The following LAMA2 variants were observed in gnomAD, a reference collection of about 807,000 sequenced individuals.
The protein encoded by LAMA2 is laminin subunit alpha-2.
In LAMA2, 269 loss-of-function variants were observed where a neutral mutation model predicts 364.8. The observed-to-expected ratio is 0.74, with a 90% CI of 0.67 to 0.82. The LOEUF (loss-of-function observed/expected upper bound fraction) is 0.82, where lower values mean the gene tolerates loss of function less well. Among genes scored for constraint, LAMA2 ranks in the 40% least tolerant of loss-of-function variants. LAMA2 has a pLI of 0.00. For missense variants in LAMA2, 3,807 were observed against 3,873.2 expected, an observed-to-expected ratio of 0.98 and a Z score of 0.45; for synonymous variants, 1,379 against 1,370.6, an observed-to-expected ratio of 1.01 and a Z score of -0.14.
At chr6:129,454,127 C>G in intron 46 of LAMA2, 28 bp from the exon 47 acceptor site, 1 of 1,604,622 alleles carries the variant, frequency 6.2e-7, no homozygotes, top group Non-Finnish European at 8.5e-7. Flanking sequence ...TATCTGATAT[C>G]TCTTGTTTTT....
chr6:129,445,239 AC>A (rs1275548543), intron 44 of LAMA2, among the ~76,000 whole-genome samples: 1 of 152,146 alleles, frequency 6.6e-6, no homozygotes, highest in Non-Finnish European at 1.5e-5. Flanking sequence ...AAGAAAGAAA[AC>A]CAATTTTGTG....
At chr6:129,227,808 T>C (rs1784411675) in intron 12 of LAMA2, among the ~76,000 whole-genome samples, 1 of 152,178 alleles carries the variant, frequency 6.6e-6, no homozygotes, top group Non-Finnish European at 1.5e-5. Flanking sequence ...CTGTTCATTC[T>C]CAGATCTCAA....
chr6:128,918,746 G>C (rs114146718), intron 1 of LAMA2, among the ~76,000 whole-genome samples: 2,255 of 152,154 alleles, frequency 0.015, 57 homozygotes, highest in African/African-American at 0.052. Context: ...AGTTTCCTTA[G>C]GGCAAACAAT....
intron 22 of LAMA2, among the ~76,000 whole-genome samples, chr6:129,308,674 A>G (rs534622633): frequency 3.0e-4 from 45 of 152,328 alleles, no homozygotes; most frequent in African/African-American, 1.1e-3. Context: ...GTATCAGACA[A>G]TTCTTGCATT....
intron 1 of LAMA2, among the ~76,000 whole-genome samples, chr6:128,913,883 A>C (rs1359690857): frequency 1.3e-5 from 2 of 152,188 alleles, no homozygotes; most frequent in Non-Finnish European, 1.5e-5. Flanking sequence ...TTTACATTAT[A>C]GCCAAAGTCT....
Position 129,225,584 on chromosome 6 carries a change from G to A in LAMA2, c.1783-24528G>A, listed in dbSNP as rs187947750. On this transcript the variant is annotated intron_variant, in intron 12 of 64. Coordinates refer to ENST00000421865, the MANE Select transcript of LAMA2 (RefSeq NM_000426.4). ...ACATCTTTATTCCAGCCTTCATTTC[G>A]TTATATACCCAGTAGTCATTCAGGA... 1.1e-4 allele frequency among the ~76,000 whole-genome samples: 17 copies of A among 152,114 alleles called. No individual in the cohort carries two copies. In the East Asian group the frequency reaches 2.5e-3, roughly 22 times the overall value.
At chr6:129,429,218 C>G (rs1446904574) in intron 41 of LAMA2, among the ~76,000 whole-genome samples, 5 of 152,150 alleles carry the variant, frequency 3.3e-5, no homozygotes. Context: ...GTCAAACCAC[C>G]ACAATCATGG....
intron 1 of LAMA2, among the ~76,000 whole-genome samples, chr6:128,911,937 G>C (rs1046436880): frequency 6.6e-6 from 1 of 152,088 alleles, no homozygotes; most frequent in Non-Finnish European, 1.5e-5. Context: ...CCAGTCTACT[G>C]TCTGTAAAAA....
chr6:129,313,114 T>C lies in LAMA2; in HGVS notation c.3411+17T>C. The stretch of plus-strand genomic sequence containing the variant: ...ACTTGTAAGGTATGTGCTGCTGACA[T>C]GCAGCTAGGGAAAACCTCCCTCAAT... On this transcript the variant is annotated intron_variant, in intron 23 of 64. Transcript: ENST00000421865. The C allele has an allele frequency of 6.7e-7, 1 of 1,499,846 alleles. No individual in the cohort carries two copies. The highest frequency in any genetic ancestry group is 9.2e-7 in the Non-Finnish European group (1 of 1,088,132). 92.9% of individuals were successfully genotyped at this position (1,499,846 alleles called of 1,614,324 possible). A position where few individuals can be genotyped will look rare whatever the true frequency, so the allele number is the denominator to read the frequency against.
chr6:129,216,843 C>A (rs1452058727), intron 12 of LAMA2, among the ~76,000 whole-genome samples: 1 of 152,022 alleles, frequency 6.6e-6, no homozygotes, highest in East Asian at 1.9e-4. Context: ...TGTATTAAGA[C>A]CTTGTTTTAA....
chr6:129,091,059 A>G (rs1003592943), intron 3 of LAMA2, among the ~76,000 whole-genome samples: 23 of 152,234 alleles, frequency 1.5e-4, no homozygotes, highest in African/African-American at 5.3e-4. Context: ...AATCACATTT[A>G]TAATCAAGTC....
At chr6:129,383,774 A>G (rs1457258329) in intron 35 of LAMA2, among the ~76,000 whole-genome samples, 2 of 152,168 alleles carry the variant, frequency 1.3e-5, no homozygotes, top group Non-Finnish European at 2.9e-5. Context: ...GAGAAAGTGG[A>G]AGCCATTTTT....
intron 4 of LAMA2, among the ~76,000 whole-genome samples, chr6:129,103,195 G>T (rs1225693628): frequency 1.3e-5 from 2 of 152,130 alleles, no homozygotes; most frequent in Non-Finnish European, 2.9e-5. Flanking sequence ...ATATGTTTTT[G>T]TATATTTATC....
intron 1 of LAMA2, among the ~76,000 whole-genome samples, chr6:129,033,137 T>G (rs921914528): frequency 1.3e-5 from 2 of 151,190 alleles, no homozygotes; most frequent in African/African-American, 4.9e-5. Context: ...GGGTTGGAAG[T>G]GGGTAAGATT....
intron 14 of LAMA2, among the ~76,000 whole-genome samples, chr6:129,255,318 A>G (rs1429838496): frequency 6.8e-6 from 1 of 147,986 alleles, no homozygotes; most frequent in Non-Finnish European, 1.5e-5. Context: ...AGGCAGTAGA[A>G]TCACTTGAAC....
intron 3 of LAMA2, among the ~76,000 whole-genome samples, chr6:129,064,471 A>T (rs1174975993): frequency 6.6e-6 from 1 of 151,930 alleles, no homozygotes; most frequent in East Asian, 1.9e-4. Flanking sequence ...TGAAATAGAG[A>T]CTAGGGAAAC....
At chr6:129,457,689 T>A (rs1008029278) in intron 48 of LAMA2, among the ~76,000 whole-genome samples, 1 of 152,114 alleles carries the variant, frequency 6.6e-6, no homozygotes, top group Non-Finnish European at 1.5e-5. Context: ...AAAAAGTATG[T>A]CTTAGTCCAT....
chr6:129,263,819 A>G (rs56023064), intron 15 of LAMA2, among the ~76,000 whole-genome samples: 2,116 of 152,244 alleles, frequency 0.014, 53 homozygotes, highest in African/African-American at 0.049. Flanking sequence ...AGCTTGCTGC[A>G]GCCTCAAACT....
chr6:129,509,653 G>A (rs1206924054), intron 62 of LAMA2, among the ~76,000 whole-genome samples: 2 of 152,066 alleles, frequency 1.3e-5, no homozygotes. Flanking sequence ...TATGGAAAAT[G>A]AGTTCACTGT....
Sources: gnomAD v4.1 joint callset for allele counts (sites outside exome capture counted in the v4.1 genomes callset) on GRCh38, gnomAD v4.1.1 for gene constraint, MANE v1.5 for transcripts, NCBI Gene and HGNC (gene_info 2026-07-23, HGNC 2026-07-21) for gene names.